Variants in PCDHGB2 observed in about 807,000 individuals in gnomAD.
The protein encoded by PCDHGB2 is protocadherin gamma-B2.
In PCDHGB2, 55 loss-of-function variants were observed where a neutral mutation model predicts 59.3. The observed-to-expected ratio is 0.93, with a 90% confidence interval of 0.75 to 1.16. The LOEUF (loss-of-function observed/expected upper bound fraction) is 1.16. PCDHGB2 is among the 50% of genes most tolerant of loss of function. The pLI is 0.00. For synonymous variants in PCDHGB2, 516 were observed against 512.0 expected, an observed-to-expected ratio of 1.01 and a Z score of -0.11; for missense variants, 1,228 against 1,198.5, an observed-to-expected ratio of 1.02 and a Z score of -0.36.
intron 1 of PCDHGB2, among the ~76,000 whole-genome samples, chr5:141,466,670 G>T (rs994949602): frequency 6.6e-6 from 1 of 152,046 alleles, no homozygotes; most frequent in Non-Finnish European, 1.5e-5. Flanking sequence ...TGATTTCACC[G>T]TTCTTCCACT....
At position 141,383,504 on chromosome 5, in the gene PCDHGB2, G is replaced by C. The variant is rs373658496; in HGVS notation, c.2421+20948G>C. ...CTGGTGCTGGAGCGGGTGCTGGACC[G>C]GGAGGAAGAGCGGGTTCACCACCTG... On this transcript the variant is annotated intron_variant, in intron 1 of 3. Coordinates refer to ENST00000522605, the MANE Select transcript of PCDHGB2 (RefSeq NM_018923.3). The C allele has an allele frequency of 1.9e-5, 30 of 1,612,648 alleles. No individual in the cohort carries two copies. The East Asian group carries it at 3.6e-4, about 19-fold the overall frequency.
chr5:141,426,960 A>G, intron 1 of PCDHGB2: 1 of 456,776 alleles, frequency 2.2e-6, no homozygotes, highest in South Asian at 1.5e-5. Context: ...CACTGCTGCA[A>G]TTCAAATTGA....
chr5:141,366,831 A>G, intron 1 of PCDHGB2: 1 of 1,522,238 alleles, frequency 6.6e-7, no homozygotes, highest in Non-Finnish European at 8.8e-7. Flanking sequence ...ATTCAGAATC[A>G]GCTAGTTATG....
At position 141,485,437 on chromosome 5, in the gene PCDHGB2, C is replaced by A. The variant is rs2099613420; in HGVS notation, c.2422-9370C>A. The A allele has an allele frequency of 6.2e-7, 1 of 1,614,174 alleles. No individual in the cohort carries two copies. Among genetic ancestry groups the A allele is most frequent in the Non-Finnish European group, 8.5e-7 (1 of 1,180,028 alleles). On this transcript the variant is annotated intron_variant, in intron 1 of 3. Transcript: ENST00000522605. The surrounding 1 kb of genome is among the most constrained non-coding windows in gnomAD (Gnocchi z 5.7). ...ACAGCGGAGCCCTGCTCATCAAGAA[C>A]CCAATCGACCGAGAGGCACTGTGTG...
At chr5:141,375,396 T>C (rs962120197) in intron 1 of PCDHGB2, 56 of 1,613,744 alleles carry the variant, frequency 3.5e-5, no homozygotes, top group Non-Finnish European at 4.6e-5. Context: ...GAAACAATCA[T>C]CTCTCTAAAT....
At chr5:141,492,241 C>T (rs1351937353) in intron 1 of PCDHGB2, among the ~76,000 whole-genome samples, 1 of 152,186 alleles carries the variant, frequency 6.6e-6, no homozygotes, top group African/African-American at 2.4e-5. Flanking sequence ...TGCTGGCCAC[C>T]CCCACGGCCC....
In PCDHGB2 at chr5:141,360,958, G is replaced by A. The variant is rs1761818073; in HGVS notation, c.823G>A (p.Ala275Thr). 3.1e-6 allele frequency: 5 copies of A among 1,613,878 alleles called. No homozygotes were observed. In the African/African-American group the frequency reaches 5.3e-5, roughly 17 times the overall value. Reference protein sequence around the residue: ...TATDRDEGINAEITYSFHNVD... With the variant: ...TATDRDEGINTEITYSFHNVD... ...CACCGACCGGGATGAAGGCATAAAC[G>A]CAGAGATCACCTACTCCTTTCATAA... The change falls in exon 1 of 4, where the codon GCA (alanine) becomes ACA (threonine). Residue 275 changes from alanine to threonine, a missense_variant. Ala to Thr is a moderately conservative substitution (Grantham distance 58). Around this residue, in one of 3 missense-constraint regions of PCDHGB2, gnomAD observed 781 missense variants for 721.6 expected, o/e 1.08. Transcript: ENST00000522605.
intron 1 of PCDHGB2, among the ~76,000 whole-genome samples, chr5:141,484,389 G>A (rs1336850919): frequency 6.6e-6 from 1 of 152,140 alleles, no homozygotes; most frequent in Non-Finnish European, 1.5e-5. Flanking sequence ...GAATAAGAAA[G>A]GTTTGGTTTC....
intron 1 of PCDHGB2, among the ~76,000 whole-genome samples, chr5:141,461,148 A>G (rs1293565790): frequency 1.3e-5 from 2 of 152,090 alleles, no homozygotes; most frequent in Non-Finnish European, 2.9e-5. Context: ...CTTTGGGTAG[A>G]TACCCAATAG....
At chr5:141,469,992 G>A (rs894673835) in intron 1 of PCDHGB2, among the ~76,000 whole-genome samples, 10 of 152,054 alleles carry the variant, frequency 6.6e-5, no homozygotes, top group South Asian at 2.1e-4. Context: ...TTAGCTGGTC[G>A]TCGTGGCACG....
chr5:141,492,911 G>A (rs1008138353), intron 1 of PCDHGB2, among the ~76,000 whole-genome samples: 1 of 152,216 alleles, frequency 6.6e-6, no homozygotes, highest in Admixed American at 6.5e-5. Context: ...TGATCACAAT[G>A]TGCCCAGCGA....
rs1392126264 is a variant in PCDHGB2 at position 141,362,547 on chromosome 5, T to C, written c.2412T>C (p.Thr804=). The part of the protein sequence containing the change: ...GAAGVPFASD[T]ILKQAPPNTD... ...CTGGGGTCCCTTTTGCCTCAGATAC[T>C]ATTTTGAAGGTGAGCTTTAATTAAT... The change falls in exon 1 of 4, where the codon ACT becomes ACC. Residue 804 remains threonine (T), a synonymous_variant. Transcript: ENST00000522605. The C allele has an allele frequency of 6.2e-7, 1 of 1,613,406 alleles. No homozygotes were observed. Among genetic ancestry groups the C allele is most frequent in the Non-Finnish European group, 8.5e-7 (1 of 1,179,738 alleles).
intron 1 of PCDHGB2, chr5:141,388,598 T>C: frequency 1.2e-6 from 2 of 1,613,920 alleles, no homozygotes; most frequent in Non-Finnish European, 1.7e-6. Context: ...CCAATGATAA[T>C]GCTCCAGTGT....
At chr5:141,402,260 A>C (rs2094244604) in intron 1 of PCDHGB2, among the ~76,000 whole-genome samples, 2 of 152,144 alleles carry the variant, frequency 1.3e-5, no homozygotes, top group South Asian at 4.1e-4. Context: ...AACCCCAGAA[A>C]ATAATTTCAA....
At chr5:141,470,236 T>C (rs1232874196) in intron 1 of PCDHGB2, among the ~76,000 whole-genome samples, 1 of 152,210 alleles carries the variant, frequency 6.6e-6, no homozygotes, top group African/African-American at 2.4e-5. Context: ...ACCAAACCCT[T>C]GAATGTCCCA....
chr5:141,398,936 A>G (rs1377976758), intron 1 of PCDHGB2: 2 of 1,613,962 alleles, frequency 1.2e-6, no homozygotes, highest in South Asian at 2.2e-5. Context: ...ACTGACCAAG[A>G]CGAGGGCATC....
At chr5:141,471,926 G>T (rs2099266798) in intron 1 of PCDHGB2, among the ~76,000 whole-genome samples, 1 of 152,110 alleles carries the variant, frequency 6.6e-6, no homozygotes, top group African/African-American at 2.4e-5. Flanking sequence ...AATTTTGGGG[G>T]TGATGAGAGT....
At chr5:141,420,403 G>T in intron 1 of PCDHGB2, 3 of 1,246,014 alleles carry the variant, frequency 2.4e-6, no homozygotes, top group East Asian at 2.8e-5. Context: ...TCAAATTTAT[G>T]GTTATCATTA....
chr5:141,362,773 A>G, intron 1 of PCDHGB2: 3 of 612,462 alleles, frequency 4.9e-6, no homozygotes, highest in South Asian at 4.6e-5. Context: ...GAGATATTGC[A>G]CTGTATTTCT....
Sources: allele counts gnomAD v4.1 joint callset (sites outside exome capture counted in the v4.1 genomes callset), GRCh38; gene constraint gnomAD v4.1.1; regional missense constraint gnomAD v4.1.1; non-coding constraint Gnocchi (gnomAD v3.1); transcripts MANE v1.5; gene names NCBI Gene and HGNC (gene_info 2026-07-23, HGNC 2026-07-21).